The following UBALD2 variants were observed in gnomAD, a reference collection of about 807,000 sequenced individuals.
The protein encoded by UBALD2 is UBA like domain containing 2.
In UBALD2, 8 loss-of-function variants were observed where a neutral mutation model predicts 15.9. The ratio of observed to expected loss-of-function variants is 0.50; its 90% CI spans 0.29 to 0.91. The LOEUF (loss-of-function observed/expected upper bound fraction) is 0.91. UBALD2 is among the 40% of genes least tolerant of loss of function. The pLI, the probability that UBALD2 is intolerant of heterozygous loss-of-function variation, is 0.07. For synonymous variants in UBALD2, 113 were observed against 97.7 expected, an observed-to-expected ratio of 1.16 and a Z score of -0.93; for missense variants, 178 against 234.8, an observed-to-expected ratio of 0.76 and a Z score of 1.58.
intron 2 of UBALD2, among the ~76,000 whole-genome samples, chr17:76,268,846 G>C (rs1028240888): frequency 6.6e-6 from 1 of 151,208 alleles, no homozygotes; most frequent in Admixed American, 6.6e-5. Context: ...TGATTCTCCG[G>C]CCTCAACCTC....
Position 76,269,621 on chromosome 17 carries a change from AAG to A in UBALD2, c.184-568_184-567del, listed in dbSNP as rs770408267. Among the ~76,000 whole-genome samples the A allele has an allele frequency of 1.3e-5, 2 of 152,292 alleles. No homozygotes were observed. Among genetic ancestry groups the A allele is most frequent in the African/African-American group, 2.4e-5 (1 of 41,556 alleles). On this transcript the variant is annotated intron_variant, in intron 2 of 2. Coordinates refer to ENST00000327490, the MANE Select transcript of UBALD2 (RefSeq NM_182565.4). The surrounding 1 kb of genome is among the most constrained non-coding windows in gnomAD (Gnocchi z 4.6). Reference sequence around the variant, plus strand: ...GGCCTCAGTTTCCTCATTTGTCATAAAGAGAGGATAATTGAAGCCACTAAGTG... The same window carrying A: ...GGCCTCAGTTTCCTCATTTGTCATAAAGAGGATAATTGAAGCCACTAAGTG...
chr17:76,270,305 A>G lies in UBALD2; in HGVS notation c.295A>G (p.Thr99Ala), dbSNP rs74836337. The change falls in exon 3 of 3, where the codon ACA becomes GCA. Residue 99 changes from threonine (T) to alanine (A), a missense_variant. Coordinates refer to ENST00000327490, the MANE Select transcript of UBALD2 (RefSeq NM_182565.4). ...EGLQSSNSPM[T>A]AAACSPPANF... ...CCTGCAGAGCAGCAACAGCCCCATG[A>G]CAGCCGCAGCCTGCTCCCCACCTGC... 1 of 1,610,052 alleles carries G rather than the reference A, an allele frequency of 6.2e-7. No homozygotes were observed. Among genetic ancestry groups the G allele is most frequent in the Non-Finnish European group, 8.5e-7 (1 of 1,179,574 alleles).
Position 76,270,467 on chromosome 17 carries a change from C to G in UBALD2, c.457C>G (p.Gln153Glu). ...CCCAGGAGCACAGCAGGGGGGCGCC[C>G]AGCAGAAAGCCATGGCGGCCATGGA... ...WPPGAQQGGA[Q>E]QKAMAAMDGQ... The change falls in exon 3 of 3, where the codon CAG (glutamine) becomes GAG (glutamate). Residue 153 changes from glutamine (Q) to glutamate (E), a missense_variant. Gln to Glu is a conservative substitution (Grantham distance 29). Transcript: ENST00000327490. 6.7e-7 allele frequency: 1 copy of G among 1,484,550 alleles called. No individual in the cohort carries two copies. Among genetic ancestry groups the G allele is most frequent in the Non-Finnish European group, 8.9e-7 (1 of 1,120,224 alleles). 92.0% of individuals were successfully genotyped at this position (1,484,550 alleles called of 1,614,324 possible). A position where few individuals can be genotyped will look rare whatever the true frequency, so the allele number is the denominator to read the frequency against.
chr17:76,270,400 C>G lies in UBALD2; in HGVS notation c.390C>G (p.Pro130=), dbSNP rs771068035. 2.6e-6 allele frequency: 4 copies of G among 1,533,562 alleles called. No homozygotes were observed. In the African/African-American group the frequency reaches 4.1e-5, roughly 16 times the overall value. 95.0% of individuals were successfully genotyped at this position (1,533,562 alleles called of 1,614,324 possible). Residue 130 remains proline, a synonymous_variant, in exon 3 of 3, where the codon CCC becomes CCG. Transcript: ENST00000327490. ...HQAPWIPPSS[P]TTFHHLHRPQ... is the part of the protein sequence containing the mutation. ...CGCCCTGGATCCCGCCCTCCTCCCCCACCACCTTCCACCACCTCCACCGCC... is the reference window on the plus strand; with the variant it reads ...CGCCCTGGATCCCGCCCTCCTCCCCGACCACCTTCCACCACCTCCACCGCC...
intron 2 of UBALD2, among the ~76,000 whole-genome samples, chr17:76,267,028 A>C (rs1019378899): frequency 6.6e-6 from 1 of 152,194 alleles, no homozygotes; most frequent in Non-Finnish European, 1.5e-5. Flanking sequence ...ATGGCATTTG[A>C]GTATGATGGG....
chr17:76,270,013 G>A (rs766533640), intron 2 of UBALD2, among the ~76,000 whole-genome samples, 181 bp from the exon 3 acceptor site: 1 of 152,192 alleles, frequency 6.6e-6, no homozygotes, highest in Non-Finnish European at 1.5e-5. Context: ...CTTGGGTTTT[G>A]TCCTTGTTTT....
chr17:76,268,444 CTTCA>C (rs535937647), intron 2 of UBALD2, among the ~76,000 whole-genome samples: 1 of 151,218 alleles, frequency 6.6e-6, no homozygotes, highest in Non-Finnish European at 1.5e-5. Flanking sequence ...CACCCCCACC[CTTCA>C]TTCATTGTTT....
chr17:76,265,721 G>T, intron 1 of UBALD2, 96 bp downstream of exon 1: 1 of 1,274,486 alleles, frequency 7.8e-7, no homozygotes, highest in Non-Finnish European at 9.9e-7. Context: ...CCCGGAAGGC[G>T]ATCGGCGCCC....
chr17:76,265,413 A>AAC lies in UBALD2; in HGVS notation c.-93_-92insAC. On this transcript the variant is annotated 5_prime_UTR_variant, in exon 1 of 3. Coordinates refer to ENST00000327490, the MANE Select transcript of UBALD2 (RefSeq NM_182565.4). ...AGCGGCGGCAGCAGCGGTGAGCGCGAGCCCCGGAGCCCCGGGCGGCCGGCC... is the reference window on the plus strand; with the variant it reads ...AGCGGCGGCAGCAGCGGTGAGCGCGAACGCCCCGGAGCCCCGGGCGGCCGGCC... 1.0e-6 allele frequency: 1 copy of AAC among 973,544 alleles called. No homozygotes were observed. The highest frequency in any genetic ancestry group is 1.2e-6 in the Non-Finnish European group (1 of 822,542). 60.3% of individuals were successfully genotyped at this position (973,544 alleles called of 1,614,324 possible). A position where few individuals can be genotyped will look rare whatever the true frequency, so the allele number is the denominator to read the frequency against.
At position 76,270,187 on chromosome 17, in the gene UBALD2, C is replaced by T; in HGVS notation, c.184-7C>T. The T allele has an allele frequency of 6.2e-7, 1 of 1,611,866 alleles. No homozygotes were observed. The highest frequency in any genetic ancestry group is 1.1e-5 in the South Asian group (1 of 91,036). ...CAGCCTCCCCACACCCGTGTTCTCT[C>T]CCGCAGATGTGCACTCCCAGCAACA... On this transcript the variant is annotated splice_region_variant and splice_polypyrimidine_tract_variant and intron_variant, in intron 2 of 2. Transcript: ENST00000327490.
At chr17:76,270,107 T>TAAAGGAG (rs1370214555) in intron 2 of UBALD2, 87 bp from the exon 3 acceptor site, 3 of 1,381,520 alleles carry the variant, frequency 2.2e-6, no homozygotes, top group Non-Finnish European at 3.0e-6. Context: ...AAAATGGGAG[T>TAAAGGAG]AAAGGAGCGG....
chr17:76,270,464 G>T lies in UBALD2; in HGVS notation c.454G>T (p.Ala152Ser). Residue 152 changes from alanine (A) to serine (S), a missense_variant, in exon 3 of 3, where the codon GCC becomes TCC. Ala to Ser is a moderately conservative substitution (Grantham distance 99). Coordinates refer to ENST00000327490, the MANE Select transcript of UBALD2 (RefSeq NM_182565.4). ...TWPPGAQQGG[A>S]QQKAMAAMDG... is the part of the protein sequence containing the mutation. ...GCCCCCAGGAGCACAGCAGGGGGGC[G>T]CCCAGCAGAAAGCCATGGCGGCCAT... is the stretch of plus-strand genomic sequence containing the variant. The T allele has an allele frequency of 6.7e-7, 1 of 1,488,062 alleles. No individual in the cohort carries two copies. The allele number at this position is 1,488,062 out of a possible 1,614,324, so 92.2% of individuals were successfully genotyped here.
rs1303110777 is a variant in UBALD2, at chr17:76,269,090, C to A, written c.184-1104C>A. ...CAAGTCGTTCCCCCAACTCCTGCGCCTGGGGGAGGGGCCAGTGTTGCTAAA... is the reference window on the plus strand; with the variant it reads ...CAAGTCGTTCCCCCAACTCCTGCGCATGGGGGAGGGGCCAGTGTTGCTAAA... On this transcript the variant is annotated intron_variant, in intron 2 of 2. Transcript: ENST00000327490. The surrounding 1 kb of genome is among the most constrained non-coding windows in gnomAD (Gnocchi z 4.6). Among the ~76,000 whole-genome samples the A allele has an allele frequency of 7.2e-5, 11 of 152,230 alleles. No homozygotes were observed. Among genetic ancestry groups the A allele is most frequent in the Non-Finnish European group, 1.0e-4 (7 of 68,014 alleles).
At position 76,270,522 on chromosome 17, in the gene UBALD2, G is replaced by T; in HGVS notation, c.*17G>T. On this transcript the variant is annotated 3_prime_UTR_variant, in exon 3 of 3. Transcript: ENST00000327490. ...CAGAGATGAGACTGGACGCCGCCGG[G>T]CGCTGGGCTGGAGCTGGGGGCAGCC... 1 of 1,436,848 alleles carries T rather than the reference G, an allele frequency of 7.0e-7. No individual in the cohort carries two copies. The highest frequency in any genetic ancestry group is 1.4e-5 in the African/African-American group (1 of 69,066). The allele number at this position is 1,436,848 out of a possible 1,614,324, so 89.0% of individuals were successfully genotyped here.
intron 2 of UBALD2, among the ~76,000 whole-genome samples, chr17:76,268,138 G>C (rs1355214248): frequency 6.6e-6 from 1 of 152,256 alleles, no homozygotes; most frequent in African/African-American, 2.4e-5. Flanking sequence ...GGGCTTCCCA[G>C]TTGGAAGTGG....
In UBALD2 at chr17:76,270,232, C is replaced by T. The variant is rs942994491; in HGVS notation, c.222C>T (p.Asn74=). 1.2e-6 allele frequency: 2 copies of T among 1,612,830 alleles called. No homozygotes were observed. The highest frequency in any genetic ancestry group is 2.7e-5 in the African/African-American group (2 of 74,912). The change falls in exon 3 of 3, where the codon AAC becomes AAT. Residue 74 remains asparagine, a synonymous_variant. Transcript: ENST00000327490. ...TPSNTPATPP[N]FPDALAMFSK... ...GCAACACCCCTGCCACGCCGCCCAA[C>T]TTCCCCGATGCGCTGGCCATGTTCT... is the stretch of plus-strand genomic sequence containing the variant.
At chr17:76,266,784 A>G (rs563309575) in intron 2 of UBALD2, among the ~76,000 whole-genome samples, 2 of 152,170 alleles carry the variant, frequency 1.3e-5, no homozygotes, top group Admixed American at 6.5e-5. Flanking sequence ...CTAGTTACCT[A>G]TTAGCCCTGC....
chr17:76,268,617 C>T (rs901920043), intron 2 of UBALD2, among the ~76,000 whole-genome samples: 3 of 152,060 alleles, frequency 2.0e-5, no homozygotes, highest in Admixed American at 6.5e-5. Flanking sequence ...CCTTGGTGCC[C>T]TGGGTGCTGA....
chr17:76,265,938 A>G lies in UBALD2; in HGVS notation c.152A>G (p.Asn51Ser), dbSNP rs1209351784. 1.2e-6 allele frequency: 2 copies of G among 1,600,724 alleles called. No individual in the cohort carries two copies. Among genetic ancestry groups the G allele is most frequent in the East Asian group, 4.5e-5 (2 of 44,342 alleles). ...TALSTFFQETNIPNSHHHHQM... is the reference protein window; with the variant it reads ...TALSTFFQETSIPNSHHHHQM... The stretch of plus-strand genomic sequence containing the variant: ...CTGAGCACGTTCTTCCAAGAAACCA[A>G]CATTCCCAACAGCCACCACCACCAC... Residue 51 changes from asparagine to serine, a missense_variant, in exon 2 of 3, where the codon AAC (asparagine) becomes AGC (serine). Asn to Ser is a conservative substitution (Grantham distance 46). Coordinates refer to ENST00000327490, the MANE Select transcript of UBALD2 (RefSeq NM_182565.4).
Sources: gnomAD v4.1 joint callset for allele counts (sites outside exome capture counted in the v4.1 genomes callset) on GRCh38, gnomAD v4.1.1 for gene constraint, Gnocchi (gnomAD v3.1) non-coding constraint, MANE v1.5 for transcripts, NCBI Gene and HGNC (gene_info 2026-07-23, HGNC 2026-07-21) for gene names.